The following RPS27 variants were observed in gnomAD, a reference collection of about 807,000 sequenced individuals.
RPS27 encodes the protein small ribosomal subunit protein eS27.
Under a neutral mutation model 11.8 loss-of-function variants are expected in RPS27, and 1 was observed. The observed-to-expected ratio is 0.08, with a 90% CI of 0.03 to 0.40. The LOEUF is 0.40. Ranked by LOEUF, RPS27 falls within the 10% of genes least tolerant of loss-of-function variation. The pLI is 0.98. For missense variants in RPS27, 44 were observed against 100.1 expected, an observed-to-expected ratio of 0.44 and a Z score of 2.39; for synonymous variants, 42 against 33.8, an observed-to-expected ratio of 1.24 and a Z score of -0.84.
chr1:153,991,270 G>T, intron 2 of RPS27, 47 bp downstream of exon 2: 2 of 1,564,400 alleles, frequency 1.3e-6, no homozygotes, highest in South Asian at 2.3e-5. Context: ...GACCTCAACA[G>T]TTGGAAAATG....
At chr1:153,991,756 TAAC>T (rs1649422906) in intron 3 of RPS27, 80 bp downstream of exon 3, 7 of 943,124 alleles carry the variant, frequency 7.4e-6, no homozygotes, top group Non-Finnish European at 1.2e-5. Context: ...TTTTCGGTCT[TAAC>T]AGTGACAGGG....
intron 3 of RPS27, 62 bp downstream of exon 3, chr1:153,991,738 C>G: frequency 1.7e-6 from 2 of 1,142,880 alleles, no homozygotes; most frequent in Non-Finnish European, 2.6e-6. Flanking sequence ...GGAAACATTT[C>G]TTAGGATTTT....
chr1:153,991,712 TTTGA>T, intron 3 of RPS27, 36 bp downstream of exon 3: 1 of 1,346,344 alleles, frequency 7.4e-7, no homozygotes. Flanking sequence ...GGGCTTTGAG[TTTGA>T]TTTTTAGAAA....
intron 1 of RPS27, 36 bp downstream of exon 1, chr1:153,990,838 G>T (rs776832664): frequency 3.1e-6 from 5 of 1,614,014 alleles, no homozygotes; most frequent in Non-Finnish European, 3.4e-6. Context: ...CGGAGATCTC[G>T]CTGTTCTGTC....
At position 153,990,801 on chromosome 1, in the gene RPS27, C is replaced by T. The variant is rs752425555; in HGVS notation, c.5C>T (p.Pro2Leu). The change falls in exon 1 of 4, where the codon CCT (proline) becomes CTT (leucine). Residue 2 changes from proline (P) to leucine (L), a missense_variant and splice_region_variant. Pro to Leu is a moderately conservative substitution (Grantham distance 98). This residue lies in a region of RPS27 where 21 missense variants were observed against 16.2 expected (regional missense o/e 1.29). Coordinates refer to ENST00000651669, the MANE Select transcript of RPS27 (RefSeq NM_001030.6). The part of the protein sequence containing the change: M[P>L]LAKDLLHPSP... ...ACGACCTACGCACACGAGAACATGC[C>T]TGTGAGTGCTTTGGTCCAGGTTTCG... 3.7e-6 allele frequency: 6 copies of T among 1,614,102 alleles called. 1 individual carries two copies. The highest frequency in any genetic ancestry group is 3.3e-5 in the South Asian group (3 of 91,094).
rs762555280 is a variant in RPS27, at chr1:153,991,548, T to C, written c.116-18T>C. The stretch of plus-strand genomic sequence containing the variant: ...CGGGTGTAATAGAGGAAAAAAATGT[T>C]ATCTGCTTTTCTTTCAGGATGCTAT... On this transcript the variant is annotated intron_variant, in intron 2 of 3. Coordinates refer to ENST00000651669, the MANE Select transcript of RPS27 (RefSeq NM_001030.6). The C allele has an allele frequency of 1.3e-5, 21 of 1,587,488 alleles. No homozygotes were observed. Among genetic ancestry groups the C allele is most frequent in the Non-Finnish European group, 1.6e-5 (19 of 1,156,916 alleles).
intron 2 of RPS27, 42 bp from the exon 3 acceptor site, chr1:153,991,523 CG>C (rs1309872382): frequency 7.5e-7 from 1 of 1,329,612 alleles, no homozygotes; most frequent in East Asian, 2.4e-5. Flanking sequence ...GCAGGAAAGA[CG>C]GGTGTAATAG....
Position 153,990,805 on chromosome 1 carries a change from G to A in RPS27, c.6+3G>A, listed in dbSNP as rs1385692088. The stretch of plus-strand genomic sequence containing the variant: ...CCTACGCACACGAGAACATGCCTGT[G>A]AGTGCTTTGGTCCAGGTTTCGGCGG... On this transcript the variant is annotated splice_donor_region_variant and intron_variant, in intron 1 of 3. Coordinates refer to ENST00000651669, the MANE Select transcript of RPS27 (RefSeq NM_001030.6). 7.4e-6 allele frequency: 12 copies of A among 1,614,084 alleles called. No homozygotes were observed. The highest frequency in any genetic ancestry group is 1.3e-5 in the African/African-American group (1 of 74,928).
In RPS27 at chr1:153,991,137, C is replaced by T. The variant is rs146810634; in HGVS notation, c.29C>T (p.Pro10Leu). ...TAGCTCGCAAAGGATCTCCTTCATCCCTCTCCAGAAGAGGAGAAGAGGAAA... is the reference window on the plus strand; with the variant it reads ...TAGCTCGCAAAGGATCTCCTTCATCTCTCTCCAGAAGAGGAGAAGAGGAAA... MPLAKDLLH[P>L]SPEEEKRKHK... Residue 10 changes from proline to leucine, a missense_variant, in exon 2 of 4, where the codon CCC becomes CTC. Coordinates refer to ENST00000651669, the MANE Select transcript of RPS27 (RefSeq NM_001030.6). 563 of 1,592,690 alleles carry T rather than the reference C, an allele frequency of 3.5e-4. No homozygotes were observed. Among genetic ancestry groups the T allele is most frequent in the Non-Finnish European group, 4.2e-4 (492 of 1,168,090 alleles).
At chr1:153,991,710 A>G in intron 3 of RPS27, 34 bp downstream of exon 3, 1 of 1,361,828 alleles carries the variant, frequency 7.3e-7, no homozygotes. Flanking sequence ...TGGGGCTTTG[A>G]GTTTGATTTT....
At position 153,991,591 on chromosome 1, in the gene RPS27, T is replaced by C. The variant is rs150298203; in HGVS notation, c.141T>C (p.Phe47=). ...CPGCYKITTV[F]SHAQTVVLCV... ...GATGCTATAAAATCACCACGGTCTT[T>C]AGCCATGCACAAACGGTAGTTTTGT... is the stretch of plus-strand genomic sequence containing the variant. The change falls in exon 3 of 4, where the codon TTT becomes TTC. Residue 47 remains phenylalanine (F), a synonymous_variant. Transcript: ENST00000651669. The C allele has an allele frequency of 1.8e-4, 283 of 1,613,380 alleles. 3 individuals are homozygous for C. The South Asian group carries it at 2.5e-3, about 14-fold the overall frequency.
rs1423635981 is a variant in RPS27 at position 153,991,138 on chromosome 1, C to T, written c.30C>T (p.Pro10=). The change falls in exon 2 of 4, where the codon CCC becomes CCT. Residue 10 remains proline, a synonymous_variant. Coordinates refer to ENST00000651669, the MANE Select transcript of RPS27 (RefSeq NM_001030.6). The part of the protein sequence containing the change: MPLAKDLLH[P]SPEEEKRKHK... ...AGCTCGCAAAGGATCTCCTTCATCC[C>T]TCTCCAGAAGAGGAGAAGAGGAAAC... 6.3e-7 allele frequency: 1 copy of T among 1,592,480 alleles called. No homozygotes were observed. The highest frequency in any genetic ancestry group is 1.3e-5 in the African/African-American group (1 of 74,364).
chr1:153,991,433 C>CTCTCA, intron 2 of RPS27, 133 bp from the exon 3 acceptor site: 1 of 1,375,230 alleles, frequency 7.3e-7, no homozygotes, highest in Non-Finnish European at 1.0e-6. Flanking sequence ...TCACCGTGAT[C>CTCTCA]TCTCATCACA....
intron 1 of RPS27, 153 bp downstream of exon 1, chr1:153,990,955 C>A: frequency 7.8e-7 from 1 of 1,276,644 alleles, no homozygotes; most frequent in Non-Finnish European, 1.1e-6. Flanking sequence ...GGGCCACCCG[C>A]ATAGACGGGA....
chr1:153,990,958 A>G, intron 1 of RPS27, 156 bp downstream of exon 1: 1 of 1,264,506 alleles, frequency 7.9e-7, no homozygotes, highest in Non-Finnish European at 1.1e-6. Context: ...CCACCCGCAT[A>G]GACGGGAGCG....
Position 153,991,028 on chromosome 1 carries a change from C to G in RPS27, c.7-87C>G, listed in dbSNP as rs1557895523. The G allele has an allele frequency of 4.1e-6, 5 of 1,208,568 alleles. No homozygotes were observed. The South Asian group carries it at 5.7e-5, about 14-fold the overall frequency. The allele number at this position is 1,208,568 out of a possible 1,614,324, so 74.9% of individuals were successfully genotyped here. On this transcript the variant is annotated intron_variant, in intron 1 of 3. Transcript: ENST00000651669. Reference sequence around the variant, plus strand: ...CACCAGGGGCGGCGAGGGGCGAGCTCTCCCCGGTGTGTGACAGTGGGGGCT... The same window carrying G: ...CACCAGGGGCGGCGAGGGGCGAGCTGTCCCCGGTGTGTGACAGTGGGGGCT...
chr1:153,991,726 A>G, intron 3 of RPS27, 50 bp downstream of exon 3: 1 of 1,213,700 alleles, frequency 8.2e-7, no homozygotes, highest in African/African-American at 1.5e-5. Flanking sequence ...ATTTTTAGAA[A>G]TGGAAACATT....
intron 3 of RPS27, 122 bp from the exon 4 acceptor site, chr1:153,991,943 C>G (rs1002259443): frequency 9.7e-6 from 9 of 924,322 alleles, no homozygotes; most frequent in Middle Eastern, 2.1e-4. Flanking sequence ...GCGCAGGTAG[C>G]TAAGAGTTGA....
chr1:153,991,492 G>A (rs1440709222), intron 2 of RPS27, 74 bp from the exon 3 acceptor site: 2 of 1,363,990 alleles, frequency 1.5e-6, no homozygotes, highest in Admixed American at 3.5e-5. Context: ...CAATGTAATG[G>A]ATGATGAGTT....
Sources: allele counts gnomAD v4.1 joint callset, GRCh38; gene constraint gnomAD v4.1.1; regional missense constraint gnomAD v4.1.1; transcripts MANE v1.5; gene names NCBI Gene and HGNC (gene_info 2026-07-23, HGNC 2026-07-21).